Variants in ITCH observed in about 807,000 individuals in gnomAD.
ITCH encodes itchy E3 ubiquitin protein ligase.
In ITCH, 28 loss-of-function variants were observed where a neutral mutation model predicts 126.8. The ratio of observed to expected loss-of-function variants is 0.22; its 90% CI spans 0.16 to 0.30. ITCH has a LOEUF of 0.30. Ranked by LOEUF, ITCH falls within the 10% of genes least tolerant of loss-of-function variation. ITCH has a pLI of 1.00. For missense variants in ITCH, 631 were observed against 1,032.4 expected (o/e 0.61, Z 5.33); for synonymous variants, 342 against 340.0 (o/e 1.01, Z -0.06).
intron 4 of ITCH, among the ~76,000 whole-genome samples, chr20:34,412,138 A>G (rs1485394313): frequency 6.6e-6 from 1 of 152,240 alleles, no homozygotes; most frequent in Admixed American, 6.5e-5. Context: ...TCATAGGGTT[A>G]CTATAAAGAT....
chr20:34,443,887 G>A (rs1395823795), intron 10 of ITCH, among the ~76,000 whole-genome samples: 1 of 152,154 alleles, frequency 6.6e-6, no homozygotes, highest in Non-Finnish European at 1.5e-5. Context: ...TCAGGAGTCT[G>A]AAGTGGGAGG....
rs978432564 is a variant in ITCH at position 34,413,962 on chromosome 20, A to AT, written c.475+93dup. 6,846 of 1,128,150 alleles carry AT rather than the reference A, an allele frequency of 6.1e-3. 1 individual carries two copies. Among genetic ancestry groups the AT allele is most frequent in the Middle Eastern group, 7.4e-3 (28 of 3,780 alleles). 69.9% of individuals were successfully genotyped at this position (1,128,150 alleles called of 1,614,324 possible). A position where few individuals can be genotyped will look rare whatever the true frequency, so the allele number is the denominator to read the frequency against. ...TAGTATGCTGTATGTAATTATTTTG[A>AT]TTTTTTTTTTCAGATTAATAAAATG... On this transcript the variant is annotated intron_variant, in intron 6 of 24. Coordinates refer to ENST00000374864, the MANE Select transcript of ITCH (RefSeq NM_031483.7).
chr20:34,395,991 A>C (rs2038659688), intron 3 of ITCH, among the ~76,000 whole-genome samples: 1 of 151,258 alleles, frequency 6.6e-6, no homozygotes, highest in Non-Finnish European at 1.5e-5. Context: ...TATGGAATCC[A>C]TGTTTATTAG....
chr20:34,388,134 G>C (rs1229457169), intron 2 of ITCH, among the ~76,000 whole-genome samples: 7 of 148,614 alleles, frequency 4.7e-5, no homozygotes, highest in African/African-American at 1.7e-4. Context: ...GTCTCACTGT[G>C]TTGCCCAGGC....
At chr20:34,438,749 A>G in intron 8 of ITCH, 118 bp downstream of exon 8, 1 of 1,331,660 alleles carries the variant, frequency 7.5e-7, no homozygotes, top group Non-Finnish European at 1.1e-6. Flanking sequence ...TACATTTAAG[A>G]TTTTGGAAAA....
chr20:34,502,018 A>G (rs952300124), intron 23 of ITCH, among the ~76,000 whole-genome samples: 1 of 152,174 alleles, frequency 6.6e-6, no homozygotes, highest in Admixed American at 6.5e-5. Context: ...CAAGGCTCTA[A>G]CATGTAAAAA....
chr20:34,502,659 A>G (rs1990335312), intron 23 of ITCH, among the ~76,000 whole-genome samples: 1 of 151,948 alleles, frequency 6.6e-6, no homozygotes, highest in Non-Finnish European at 1.5e-5. Context: ...GTGGTGAGCC[A>G]AGATTGCTCC....
intron 2 of ITCH, among the ~76,000 whole-genome samples, chr20:34,376,525 G>A (rs1389287917): frequency 6.6e-6 from 1 of 152,042 alleles, no homozygotes; most frequent in Non-Finnish European, 1.5e-5. Context: ...TGAATGAGAG[G>A]TATGTAGAAT....
chr20:34,376,308 G>A (rs75994807), intron 2 of ITCH, among the ~76,000 whole-genome samples: 1,620 of 152,022 alleles, frequency 0.011, 40 homozygotes, highest in African/African-American at 0.037. Flanking sequence ...GGTGGTGTGC[G>A]CCTATTGTCC....
At chr20:34,464,825 C>A (rs1257815730) in intron 14 of ITCH, among the ~76,000 whole-genome samples, 2 of 152,076 alleles carry the variant, frequency 1.3e-5, no homozygotes, top group South Asian at 4.1e-4. Flanking sequence ...ATTCTTTTGC[C>A]TCAGCCTCCT....
chr20:34,507,929 A>T lies in ITCH; in HGVS notation c.*135A>T. The T allele has an allele frequency of 1.4e-6, 1 of 692,888 alleles. No homozygotes were observed. 42.9% of individuals were successfully genotyped at this position (692,888 alleles called of 1,614,324 possible). ...TGAGTGTAAGTAAATTAATGTTCTC[A>T]TTTAGATTTATCTCCCAGTGATTTC... On this transcript the variant is annotated 3_prime_UTR_variant, in exon 25 of 25. Coordinates refer to ENST00000374864, the MANE Select transcript of ITCH (RefSeq NM_031483.7).
intron 7 of ITCH, among the ~76,000 whole-genome samples, chr20:34,435,998 G>A (rs1281824661): frequency 2.0e-5 from 3 of 152,156 alleles, no homozygotes; most frequent in Non-Finnish European, 4.4e-5. Context: ...AATTTAAGGA[G>A]TTGTACGGGT....
intron 16 of ITCH, among the ~76,000 whole-genome samples, chr20:34,475,481 C>T (rs1988113861): frequency 6.6e-6 from 1 of 152,170 alleles, no homozygotes; most frequent in Admixed American, 6.5e-5. Flanking sequence ...ATCGAAATCC[C>T]GTCTCCACCA....
intron 13 of ITCH, 95 bp downstream of exon 13, chr20:34,457,569 G>C (rs996581623): frequency 2.4e-6 from 2 of 847,872 alleles, no homozygotes; most frequent in Admixed American, 2.0e-5. Context: ...TTTTGCCAAA[G>C]ACCTAAAACG....
chr20:34,427,802 A>G (rs1036785486), intron 7 of ITCH, among the ~76,000 whole-genome samples: 3 of 152,176 alleles, frequency 2.0e-5, no homozygotes, highest in Admixed American at 6.5e-5. Flanking sequence ...CTTTTACACA[A>G]TAAACCTGTA....
intron 23 of ITCH, among the ~76,000 whole-genome samples, chr20:34,493,144 G>C (rs999035364): frequency 2.6e-5 from 4 of 152,310 alleles, no homozygotes; most frequent in Middle Eastern, 6.8e-3. Context: ...AATTATTTAA[G>C]TAAATTCAAG....
At chr20:34,482,624 A>C (rs1173125561) in intron 20 of ITCH, among the ~76,000 whole-genome samples, 1 of 152,214 alleles carries the variant, frequency 6.6e-6, no homozygotes, top group Admixed American at 6.5e-5. Flanking sequence ...GGGGCTTTGC[A>C]GGGTATAGCC....
intron 23 of ITCH, among the ~76,000 whole-genome samples, chr20:34,497,597 G>T (rs1989972742): frequency 6.6e-6 from 1 of 152,098 alleles, no homozygotes; most frequent in Admixed American, 6.6e-5. Flanking sequence ...TGTTTTTTGA[G>T]ATGGAATGTA....
chr20:34,445,300 G>C lies in ITCH; in HGVS notation c.979G>C (p.Val327Leu). 6.2e-7 allele frequency: 1 copy of C among 1,611,554 alleles called. No homozygotes were observed. The highest frequency in any genetic ancestry group is 8.5e-7 in the Non-Finnish European group (1 of 1,179,156). ...TTTCTGATTTAGCTGGGAACGGCGG[G>C]TTGACAACATGGGACGTATTTATTA... is the stretch of plus-strand genomic sequence containing the variant. ...EPLPPGWERR[V>L]DNMGRIYYVD... Residue 327 changes from valine to leucine, a missense_variant, in exon 11 of 25, where the codon GTT (valine) becomes CTT (leucine). Physicochemically the swap from Val to Leu is conservative, Grantham distance 32 (BLOSUM62 1). This residue lies in a region of ITCH where 390 missense variants were observed against 731.6 expected (regional missense o/e 0.53). Transcript: ENST00000374864.
Sources: allele counts gnomAD v4.1 joint callset (sites outside exome capture counted in the v4.1 genomes callset), GRCh38; gene constraint gnomAD v4.1.1; regional missense constraint gnomAD v4.1.1; transcripts MANE v1.5; gene names NCBI Gene and HGNC (gene_info 2026-07-23, HGNC 2026-07-21).